The following NRXN3 variants were observed in gnomAD, a reference collection of about 807,000 sequenced individuals.
NRXN3 encodes the protein neurexin III.
Under a neutral mutation model 137.6 loss-of-function variants are expected in NRXN3, and 32 were observed. The observed-to-expected ratio is 0.23, with a 90% CI of 0.18 to 0.31. NRXN3 has a LOEUF of 0.31. Among genes scored for constraint, NRXN3 ranks in the 10% least tolerant of loss-of-function variants. The pLI is 1.00. For synonymous variants in NRXN3, 798 were observed against 784.5 expected, an observed-to-expected ratio of 1.02 and a Z score of -0.29; for missense variants, 1,574 against 2,062.5, an observed-to-expected ratio of 0.76 and a Z score of 4.59.
At chr14:79,115,896 G>T (rs2152903186) in intron 15 of NRXN3, among the ~76,000 whole-genome samples, 1 of 152,262 alleles carries the variant, frequency 6.6e-6, no homozygotes, top group Non-Finnish European at 1.5e-5. Flanking sequence ...CTAAGTGTCA[G>T]AACAAGTGCT....
chr14:78,432,713 C>A (rs898041963), intron 4 of NRXN3, among the ~76,000 whole-genome samples: 3 of 152,188 alleles, frequency 2.0e-5, no homozygotes, highest in African/African-American at 7.2e-5. Context: ...ACCTTCAACT[C>A]CAAGTCTCTT....
intron 15 of NRXN3, among the ~76,000 whole-genome samples, chr14:79,373,262 C>T (rs2094162941): frequency 6.6e-6 from 1 of 152,032 alleles, no homozygotes; most frequent in African/African-American, 2.4e-5. Context: ...TATTATTGCC[C>T]TCATTACACA....
intron 15 of NRXN3, among the ~76,000 whole-genome samples, chr14:79,120,157 C>A (rs1299968149): frequency 6.6e-6 from 1 of 151,970 alleles, no homozygotes; most frequent in African/African-American, 2.4e-5. Context: ...TTTAAATGGG[C>A]TCCTTATTCT....
At chr14:79,655,983 C>A (rs2098503562) in intron 16 of NRXN3, among the ~76,000 whole-genome samples, 1 of 152,096 alleles carries the variant, frequency 6.6e-6, no homozygotes, top group East Asian at 1.9e-4. Flanking sequence ...AGCACTAGAC[C>A]CAACAATTTA....
chr14:78,718,800 C>T (rs761662299), intron 8 of NRXN3, among the ~76,000 whole-genome samples: 8 of 152,138 alleles, frequency 5.3e-5, no homozygotes, highest in Non-Finnish European at 1.2e-4. Context: ...GTTGGCTATT[C>T]ATAGTGATGT....
At chr14:79,340,698 A>T (rs918921269) in intron 15 of NRXN3, among the ~76,000 whole-genome samples, 1 of 152,156 alleles carries the variant, frequency 6.6e-6, no homozygotes, top group Non-Finnish European at 1.5e-5. Context: ...TCTCGACCTC[A>T]GGTGATCCGC....
intron 8 of NRXN3, among the ~76,000 whole-genome samples, chr14:78,781,215 C>G (rs1323708126): frequency 6.6e-6 from 1 of 151,884 alleles, no homozygotes; most frequent in East Asian, 1.9e-4. Flanking sequence ...TTAAAATAAT[C>G]CAAAATATTT....
At chr14:78,973,278 A>G (rs143476865) in intron 14 of NRXN3, among the ~76,000 whole-genome samples, 38 of 152,276 alleles carry the variant, frequency 2.5e-4, no homozygotes, top group African/African-American at 7.2e-4. Context: ...TTCACCATAC[A>G]TAGAAAAAAG....
chr14:78,664,107 C>A (rs1345189409), intron 6 of NRXN3, among the ~76,000 whole-genome samples: 1 of 152,188 alleles, frequency 6.6e-6, no homozygotes, highest in African/African-American at 2.4e-5. Flanking sequence ...CTTAGGGCAG[C>A]AACACTGCAC....
At chr14:78,967,450 T>G in intron 13 of NRXN3, 52 bp downstream of exon 13, 1 of 1,350,058 alleles carries the variant, frequency 7.4e-7, no homozygotes, top group South Asian at 1.3e-5. Flanking sequence ...TTACAATAGA[T>G]AGACTATTTC....
intron 6 of NRXN3, among the ~76,000 whole-genome samples, chr14:78,670,896 A>G (rs1392086047): frequency 1.3e-5 from 2 of 152,164 alleles, no homozygotes; most frequent in African/African-American, 4.8e-5. Flanking sequence ...GCTGTTTTTG[A>G]TGGGTTGAGT....
At chr14:78,947,156 T>A (rs1196735787) in intron 10 of NRXN3, among the ~76,000 whole-genome samples, 1 of 152,124 alleles carries the variant, frequency 6.6e-6, no homozygotes, top group Non-Finnish European at 1.5e-5. Flanking sequence ...TAAGACAGAT[T>A]AGCCAGGAGT....
At chr14:79,585,040 A>G (rs1261883766) in intron 16 of NRXN3, among the ~76,000 whole-genome samples, 1 of 152,340 alleles carries the variant, frequency 6.6e-6, no homozygotes, top group Non-Finnish European at 1.5e-5. Context: ...TTTGAGTGCT[A>G]GAGACTAGAG....
intron 11 of NRXN3, among the ~76,000 whole-genome samples, chr14:78,962,429 A>C (rs1417780336): frequency 2.6e-5 from 4 of 152,184 alleles, no homozygotes; most frequent in African/African-American, 9.7e-5. Context: ...AGTTTGAAAG[A>C]AGCGGCTGTG....
chr14:78,754,811 C>T (rs547280725), intron 8 of NRXN3, among the ~76,000 whole-genome samples: 6 of 150,618 alleles, frequency 4.0e-5, no homozygotes, highest in East Asian at 2.0e-4. Context: ...ACTGTGAACT[C>T]GATAACCACC....
At chr14:78,359,687 AC>A (rs753114579) in intron 4 of NRXN3, among the ~76,000 whole-genome samples, 11 of 152,298 alleles carry the variant, frequency 7.2e-5, no homozygotes, top group Non-Finnish European at 1.0e-4. Context: ...ACCCTGCGGT[AC>A]TTACTTTTCA....
chr14:79,185,560 G>A (rs200952365), intron 15 of NRXN3, among the ~76,000 whole-genome samples: 2 of 151,664 alleles, frequency 1.3e-5, no homozygotes, highest in East Asian at 3.9e-4. Context: ...CCAGCTCCTG[G>A]GTTCACGCCA....
Position 79,417,963 on chromosome 14 carries a change from GAAA to G in NRXN3, c.3263-49249_3263-49247del, listed in dbSNP as rs34369597. On this transcript the variant is annotated intron_variant, in intron 15 of 20. Coordinates refer to ENST00000335750, the MANE Select transcript of NRXN3 (RefSeq NM_001330195.2). ...TCAACAGAAGCGTAGAGAATATATG[GAAA>G]AAAAAAAAGAAGAAGAAAAAAGATA... Among the ~76,000 whole-genome samples the G allele has an allele frequency of 3.5e-5, 5 of 141,606 alleles. No individual in the cohort carries two copies. The East Asian group carries it at 1.0e-3, about 30-fold the overall frequency. 92.9% of individuals were successfully genotyped at this position (141,606 alleles called of 152,430 possible).
At chr14:78,925,109 C>G (rs1318256679) in intron 10 of NRXN3, among the ~76,000 whole-genome samples, 1 of 152,182 alleles carries the variant, frequency 6.6e-6, no homozygotes, top group East Asian at 1.9e-4. Context: ...AGCGTTCTGA[C>G]AAGCTCTCAA....
Sources: gnomAD v4.1 joint callset for allele counts (sites outside exome capture counted in the v4.1 genomes callset) on GRCh38, gnomAD v4.1.1 for gene constraint, MANE v1.5 for transcripts, NCBI Gene and HGNC (gene_info 2026-07-23, HGNC 2026-07-21) for gene names.